Variants in WDR59 observed in about 807,000 individuals in gnomAD.
WDR59 encodes WD repeat domain 59.
In WDR59, 100 loss-of-function variants were observed where a neutral mutation model predicts 131.2. The observed-to-expected ratio is 0.76, with a 90% CI of 0.65 to 0.90. The LOEUF is 0.90. Ranked by LOEUF, WDR59 falls within the 40% of genes least tolerant of loss-of-function variation. The pLI is 0.00. For synonymous variants in WDR59, 601 were observed against 466.2 expected (o/e 1.29, Z -3.72); for missense variants, 1,203 against 1,262.2 (o/e 0.95, Z 0.71).
intron 1 of WDR59, among the ~76,000 whole-genome samples, chr16:74,979,541 GT>G (rs962880749): frequency 6.6e-6 from 1 of 150,800 alleles, no homozygotes; most frequent in Admixed American, 6.6e-5. Flanking sequence ...CAAGTTGTGT[GT>G]TTTTTTTGTT....
At chr16:74,874,585 G>T in intron 25 of WDR59, 141 bp from the exon 26 acceptor site, 1 of 705,768 alleles carries the variant, frequency 1.4e-6, no homozygotes, top group Non-Finnish European at 2.3e-6. Context: ...TTCATTTTCT[G>T]TTTTTTTTAT....
At chr16:74,956,978 G>A (rs980517425) in intron 2 of WDR59, among the ~76,000 whole-genome samples, 3 of 151,892 alleles carry the variant, frequency 2.0e-5, no homozygotes, top group South Asian at 2.1e-4. Flanking sequence ...TTTGCATTTT[G>A]ACCACAGCAT....
chr16:74,970,697 T>C (rs1198251550), intron 1 of WDR59, among the ~76,000 whole-genome samples: 1 of 152,006 alleles, frequency 6.6e-6, no homozygotes, highest in Non-Finnish European at 1.5e-5. Context: ...ATTTCATTTC[T>C]CCCAGAGCAC....
At chr16:74,934,660 A>C (rs1253378101) in intron 8 of WDR59, among the ~76,000 whole-genome samples, 1 of 152,228 alleles carries the variant, frequency 6.6e-6, no homozygotes, top group East Asian at 1.9e-4. Flanking sequence ...CCTCTGAAGA[A>C]ATATCAGGGG....
chr16:74,966,402 C>T (rs1332152307), intron 1 of WDR59, among the ~76,000 whole-genome samples: 4 of 152,034 alleles, frequency 2.6e-5, no homozygotes, highest in Admixed American at 2.0e-4. Flanking sequence ...ATCGCTTGAA[C>T]GTGGGAGGTG....
At chr16:74,910,506 A>G (rs998505037) in intron 14 of WDR59, among the ~76,000 whole-genome samples, 1 of 151,804 alleles carries the variant, frequency 6.6e-6, no homozygotes, top group Non-Finnish European at 1.5e-5. Flanking sequence ...TTTCTAGTGA[A>G]CTCTGCCCTT....
At chr16:74,941,211 T>G (rs990684177) in intron 7 of WDR59, among the ~76,000 whole-genome samples, 13 of 151,450 alleles carry the variant, frequency 8.6e-5, no homozygotes, top group African/African-American at 3.2e-4. Context: ...TGTGGTGGCA[T>G]GTACCTGTAG....
chr16:74,959,529 G>A (rs1184914998), intron 2 of WDR59: 3 of 453,788 alleles, frequency 6.6e-6, no homozygotes, highest in Non-Finnish European at 1.3e-5. Context: ...GCTGCAGGCC[G>A]AGGCAGAAGC....
chr16:74,940,763 T>C (rs1475446473), intron 7 of WDR59, among the ~76,000 whole-genome samples: 1 of 152,106 alleles, frequency 6.6e-6, no homozygotes, highest in Non-Finnish European at 1.5e-5. Flanking sequence ...TGGAGTGCAG[T>C]GGCGCGATCT....
Position 74,948,438 on chromosome 16 carries a change from G to A in WDR59, c.445+81C>T. On this transcript the variant is annotated intron_variant, in intron 6 of 25. Coordinates refer to ENST00000262144, the MANE Select transcript of WDR59 (RefSeq NM_030581.4). ...TAGAGAGGGAGATGGAAAGGAATAG[G>A]AAGGAACGGGAAAGAACTGGAAGGA... 2.3e-6 allele frequency: 3 copies of A among 1,295,302 alleles called. No individual in the cohort carries two copies. The South Asian group carries it at 3.6e-5, about 15-fold the overall frequency. 80.2% of individuals were successfully genotyped at this position (1,295,302 alleles called of 1,614,324 possible).
At chr16:74,902,553 G>A (rs1559413) in intron 18 of WDR59, among the ~76,000 whole-genome samples, 2 of 151,928 alleles carry the variant, frequency 1.3e-5, no homozygotes, top group South Asian at 2.1e-4. Flanking sequence ...TGAAAATTAC[G>A]AGTCAATCTA....
intron 10 of WDR59, among the ~76,000 whole-genome samples, chr16:74,918,395 G>A (rs1966494621): frequency 2.0e-5 from 3 of 152,202 alleles, no homozygotes; most frequent in Admixed American, 2.0e-4. Flanking sequence ...GGGATTTAAT[G>A]TCACACTAAA....
chr16:74,957,026 C>T (rs189441515), intron 2 of WDR59, among the ~76,000 whole-genome samples: 1 of 152,134 alleles, frequency 6.6e-6, no homozygotes, highest in African/African-American at 2.4e-5. Flanking sequence ...AGGCTCTTGT[C>T]CTGAATCAAC....
At chr16:74,888,529 C>T (rs1427944039) in intron 21 of WDR59, among the ~76,000 whole-genome samples, 1 of 152,182 alleles carries the variant, frequency 6.6e-6, no homozygotes, top group African/African-American at 2.4e-5. Context: ...TATAAGGCAT[C>T]CACGTACTAC....
At position 74,942,892 on chromosome 16, in the gene WDR59, G is replaced by A. The variant is rs1005015501; in HGVS notation, c.446-66C>T. 4.5e-5 allele frequency: 64 copies of A among 1,434,828 alleles called. No individual in the cohort carries two copies. The East Asian group carries it at 1.4e-3, about 30-fold the overall frequency. 88.9% of individuals were successfully genotyped at this position (1,434,828 alleles called of 1,614,324 possible). A position where few individuals can be genotyped will look rare whatever the true frequency, so the allele number is the denominator to read the frequency against. ...GCTTTCGGAAGCAGAGCAGAGCACAGCCAGGGGAGCTGGATAATGAGTTCT... is the reference window on the plus strand; with the variant it reads ...GCTTTCGGAAGCAGAGCAGAGCACAACCAGGGGAGCTGGATAATGAGTTCT... On this transcript the variant is annotated intron_variant, in intron 6 of 25. Transcript: ENST00000262144.
chr16:74,889,323 A>G (rs56119382), intron 21 of WDR59, among the ~76,000 whole-genome samples: 61 of 152,270 alleles, frequency 4.0e-4, no homozygotes, highest in Non-Finnish European at 7.1e-4. Flanking sequence ...TTTGGCAAAC[A>G]TGAACACCAA....
intron 18 of WDR59, among the ~76,000 whole-genome samples, chr16:74,896,280 A>G (rs896377400): frequency 1.3e-5 from 2 of 152,228 alleles, no homozygotes; most frequent in Non-Finnish European, 2.9e-5. Flanking sequence ...TTAACTACAC[A>G]GCTGAATTGA....
intron 23 of WDR59, among the ~76,000 whole-genome samples, chr16:74,886,895 C>T (rs1964795830): frequency 6.6e-6 from 1 of 152,072 alleles, no homozygotes; most frequent in South Asian, 2.1e-4. Flanking sequence ...TGCACTCCAG[C>T]CTGGCGACAG....
At chr16:74,882,340 G>T (rs974677070) in intron 25 of WDR59, among the ~76,000 whole-genome samples, 3 of 152,100 alleles carry the variant, frequency 2.0e-5, no homozygotes, top group Non-Finnish European at 2.9e-5. Flanking sequence ...AGCATTTTGT[G>T]CCTTTACATT....
Sources: gnomAD v4.1 joint callset for allele counts (sites outside exome capture counted in the v4.1 genomes callset) on GRCh38, gnomAD v4.1.1 for gene constraint, MANE v1.5 for transcripts, NCBI Gene and HGNC (gene_info 2026-07-23, HGNC 2026-07-21) for gene names.